Variants in JAZF1 observed in about 807,000 individuals in gnomAD.
The protein encoded by JAZF1 is JAZF zinc finger 1.
A neutral mutation model predicts 26.4 loss-of-function variants in JAZF1; 8 were observed. The observed-to-expected ratio is 0.30, with a 90% CI of 0.18 to 0.55. The LOEUF is 0.55. Among genes scored for constraint, JAZF1 ranks in the 20% least tolerant of loss-of-function variants. JAZF1 has a pLI of 0.94. For missense variants in JAZF1, 199 were observed against 322.0 expected, an observed-to-expected ratio of 0.62 and a Z score of 2.92; for synonymous variants, 126 against 122.3, an observed-to-expected ratio of 1.03 and a Z score of -0.20.
chr7:27,971,345 G>C (rs1441539268), intron 2 of JAZF1, among the ~76,000 whole-genome samples: 1 of 152,140 alleles, frequency 6.6e-6, no homozygotes, highest in Non-Finnish European at 1.5e-5. Context: ...CGCCTTACAG[G>C]GGATATGCCG....
At chr7:28,142,285 C>T (rs1314293885) in intron 1 of JAZF1, among the ~76,000 whole-genome samples, 2 of 152,050 alleles carry the variant, frequency 1.3e-5, no homozygotes, top group African/African-American at 2.4e-5. Flanking sequence ...TTGGTATGTA[C>T]CACCCCCCAC....
At chr7:27,904,916 T>G (rs953644753) in intron 2 of JAZF1, among the ~76,000 whole-genome samples, 1 of 90,642 alleles carries the variant, frequency 1.1e-5, no homozygotes, top group Non-Finnish European at 2.5e-5. Flanking sequence ...CTTACTGCAT[T>G]AAGAGAGACG....
rs118042608 is a variant in JAZF1 at position 28,005,396 on chromosome 7, G to A, written c.116-13415C>T. Among the ~76,000 whole-genome samples, 228 of 151,586 alleles carry A rather than the reference G, an allele frequency of 1.5e-3. 5 individuals carry two copies. In the East Asian group the frequency reaches 0.034, roughly 23 times the overall value. On this transcript the variant is annotated intron_variant, in intron 1 of 4. Transcript: ENST00000283928. ...GCCTTCGTTACTTCCTATCTCCCAG[G>A]GAAGCCGAATCATTGCTTAAAAAAA...
At chr7:28,168,652 G>A (rs1330092325) in intron 1 of JAZF1, among the ~76,000 whole-genome samples, 1 of 152,110 alleles carries the variant, frequency 6.6e-6, no homozygotes, top group Non-Finnish European at 1.5e-5. Flanking sequence ...ACCACCACAG[G>A]TGCCCTGGTT....
intron 1 of JAZF1, among the ~76,000 whole-genome samples, chr7:28,111,762 C>A (rs1784664542): frequency 6.6e-6 from 1 of 152,018 alleles, no homozygotes; most frequent in Non-Finnish European, 1.5e-5. Context: ...AGGAGACTTC[C>A]CAGGGGTGTG....
intron 1 of JAZF1, among the ~76,000 whole-genome samples, chr7:28,013,189 G>C (rs759876345): frequency 7.2e-5 from 11 of 152,168 alleles, no homozygotes; most frequent in Non-Finnish European, 1.5e-4. Flanking sequence ...TGTGCAGTCA[G>C]GGCTGAGAAC....
chr7:28,146,305 C>T (rs1256916437), intron 1 of JAZF1, among the ~76,000 whole-genome samples: 1 of 152,186 alleles, frequency 6.6e-6, no homozygotes, highest in African/African-American at 2.4e-5. Flanking sequence ...AACCGTTTCC[C>T]CATTGATCGA....
chr7:27,890,782 T>C (rs1405835812), intron 3 of JAZF1, among the ~76,000 whole-genome samples: 2 of 141,154 alleles, frequency 1.4e-5, no homozygotes, highest in African/African-American at 2.6e-5. Flanking sequence ...TAGATGTTAC[T>C]ACTTTTTTTT....
intron 1 of JAZF1, among the ~76,000 whole-genome samples, chr7:28,004,891 G>T (rs1309630941): frequency 6.6e-6 from 1 of 152,168 alleles, no homozygotes; most frequent in Non-Finnish European, 1.5e-5. Context: ...GACTTCAAGT[G>T]ATTTGCCCAC....
At chr7:27,857,925 G>C (rs1008201868) in intron 3 of JAZF1, among the ~76,000 whole-genome samples, 8 of 152,072 alleles carry the variant, frequency 5.3e-5, no homozygotes, top group African/African-American at 1.4e-4. Context: ...ACAAGTAAAG[G>C]GTATTCAAAT....
intron 1 of JAZF1, among the ~76,000 whole-genome samples, chr7:28,085,808 T>A (rs1784204529): frequency 6.6e-6 from 1 of 152,216 alleles, no homozygotes; most frequent in African/African-American, 2.4e-5. Context: ...AGAAGAAAAT[T>A]TGCAGGCAGC....
At chr7:28,158,752 A>C (rs145256037) in intron 1 of JAZF1, among the ~76,000 whole-genome samples, 2 of 152,088 alleles carry the variant, frequency 1.3e-5, no homozygotes, top group Non-Finnish European at 2.9e-5. Context: ...TACCCAAATA[A>C]CTTCTGACTG....
At chr7:27,837,391 C>G (rs1351403741) in intron 4 of JAZF1, among the ~76,000 whole-genome samples, 1 of 152,232 alleles carries the variant, frequency 6.6e-6, no homozygotes, top group African/African-American at 2.4e-5. Context: ...GAAAAGAATC[C>G]TCCCATGGCT....
intron 1 of JAZF1, among the ~76,000 whole-genome samples, chr7:28,104,316 T>C (rs1269582657): frequency 1.3e-5 from 2 of 152,236 alleles, no homozygotes; most frequent in Non-Finnish European, 2.9e-5. Flanking sequence ...TTGTGGTCTG[T>C]CTCCCTACAG....
chr7:28,066,848 T>C (rs940942671), intron 1 of JAZF1, among the ~76,000 whole-genome samples: 2 of 152,150 alleles, frequency 1.3e-5, no homozygotes, highest in African/African-American at 4.8e-5. Context: ...TTCCATTTTA[T>C]GACTCCTGAA....
intron 2 of JAZF1, among the ~76,000 whole-genome samples, chr7:27,940,045 C>T (rs755906725): frequency 2.6e-5 from 4 of 152,128 alleles, no homozygotes; most frequent in Non-Finnish European, 5.9e-5. Context: ...GGAGCCCCGG[C>T]ACAGCAGTGA....
intron 2 of JAZF1, among the ~76,000 whole-genome samples, chr7:27,950,837 G>T (rs1261490873): frequency 6.6e-6 from 1 of 152,032 alleles, no homozygotes; most frequent in South Asian, 2.1e-4. Context: ...CCAAACATAG[G>T]ACACAAAATA....
intron 1 of JAZF1, among the ~76,000 whole-genome samples, chr7:28,026,863 A>G (rs1783103035): frequency 1.3e-5 from 2 of 152,218 alleles, no homozygotes; most frequent in African/African-American, 4.8e-5. Context: ...GGCTTATGCC[A>G]CAGAACTTAC....
At position 28,171,282 on chromosome 7, in the gene JAZF1, T is replaced by C. The variant is rs146673376; in HGVS notation, c.115+9181A>G. ...AAACCATACTGGACTAATTGCATAATGGATATTTGTGTGAATGCCATAAAC... is the reference window on the plus strand; with the variant it reads ...AAACCATACTGGACTAATTGCATAACGGATATTTGTGTGAATGCCATAAAC... On this transcript the variant is annotated intron_variant, in intron 1 of 4. Transcript: ENST00000283928. 1.3e-3 allele frequency among the ~76,000 whole-genome samples: 191 copies of C among 152,346 alleles called. 1 individual carries two copies. The Middle Eastern group carries it at 0.02, about 16-fold the overall frequency.
Sources: allele counts gnomAD v4.1 joint callset (sites outside exome capture counted in the v4.1 genomes callset), GRCh38; gene constraint gnomAD v4.1.1; transcripts MANE v1.5; gene names NCBI Gene and HGNC (gene_info 2026-07-23, HGNC 2026-07-21).